ATP2B1: variants seen among roughly 807,000 people sequenced by gnomAD.
ATP2B1 encodes the protein ATPase plasma membrane Ca2+ transporting 1, also known as plasma membrane calcium-transporting ATPase 1.
Under a neutral mutation model 124.2 loss-of-function variants are expected in ATP2B1, and 14 were observed. The observed-to-expected ratio is 0.11, with a 90% CI of 0.07 to 0.18. The LOEUF is 0.18. Among genes scored for constraint, ATP2B1 ranks in the 10% least tolerant of loss-of-function variants. The pLI is 1.00. For missense variants in ATP2B1, 763 were observed against 1,466.1 expected, an observed-to-expected ratio of 0.52 and a Z score of 7.83; for synonymous variants, 449 against 492.4, an observed-to-expected ratio of 0.91 and a Z score of 1.17.
chr12:89,628,327 G>C (rs540024117), intron 6 of ATP2B1, among the ~76,000 whole-genome samples: 1 of 143,714 alleles, frequency 7.0e-6, no homozygotes. Flanking sequence ...GCTTGAACCC[G>C]GAAGGCGGAG....
At chr12:89,672,008 G>T (rs1307911283) in intron 1 of ATP2B1, among the ~76,000 whole-genome samples, 1 of 152,160 alleles carries the variant, frequency 6.6e-6, no homozygotes, top group South Asian at 2.1e-4. Flanking sequence ...AGATACCTCA[G>T]TATCATCATT....
intron 11 of ATP2B1, among the ~76,000 whole-genome samples, chr12:89,618,502 C>T (rs1053676613): frequency 6.6e-5 from 10 of 152,236 alleles, no homozygotes; most frequent in African/African-American, 2.4e-4. Flanking sequence ...CATCTATCTA[C>T]TACCCAGCAA....
At chr12:89,605,485 C>T (rs888099922) in intron 15 of ATP2B1, among the ~76,000 whole-genome samples, 9 of 152,172 alleles carry the variant, frequency 5.9e-5, no homozygotes, top group African/African-American at 2.2e-4. Context: ...TCTTGCCCTT[C>T]TCCCATGACA....
At chr12:89,599,059 C>T (rs986938936) in intron 20 of ATP2B1, 58 bp downstream of exon 20, 2 of 1,563,232 alleles carry the variant, frequency 1.3e-6, no homozygotes, top group Admixed American at 1.8e-5. Flanking sequence ...GAACCTCCTC[C>T]CCAGGTCAAA....
rs1216343703 is a variant in ATP2B1, at chr12:89,588,069, A to G, written c.*2915T>C. On this transcript the variant is annotated 3_prime_UTR_variant, in exon 21 of 21. Transcript: ENST00000428670. ...CCCCATTCAGAAACAGATAAACAGT[A>G]TATTTATTAAATGAGTTAAGACAAA... 3 of 152,688 alleles carry G rather than the reference A, an allele frequency of 2.0e-5. No individual in the cohort carries two copies. Among genetic ancestry groups the G allele is most frequent in the South Asian group, 2.1e-4 (1 of 4,838 alleles). 9.5% of individuals were successfully genotyped at this position (152,688 alleles called of 1,614,324 possible).
intron 1 of ATP2B1, among the ~76,000 whole-genome samples, chr12:89,659,601 T>C (rs1020055838): frequency 6.6e-6 from 1 of 152,180 alleles, no homozygotes; most frequent in Admixed American, 6.5e-5. Flanking sequence ...AAGGTTACTT[T>C]ACAGAGCAAG....
chr12:89,697,397 CTT>C (rs1278681855), intron 1 of ATP2B1, among the ~76,000 whole-genome samples: 1 of 152,086 alleles, frequency 6.6e-6, no homozygotes, highest in African/African-American at 2.4e-5. Flanking sequence ...GAAGGGGACT[CTT>C]GAGTTATCCA....
intron 2 of ATP2B1, among the ~76,000 whole-genome samples, chr12:89,650,762 A>T (rs1885136390): frequency 6.6e-6 from 1 of 152,216 alleles, no homozygotes; most frequent in African/African-American, 2.4e-5. Flanking sequence ...CCTGTATACC[A>T]GAAACCCTAC....
intron 8 of ATP2B1, 131 bp downstream of exon 8, chr12:89,626,323 A>C (rs1056600601): frequency 2.0e-6 from 2 of 1,005,114 alleles, no homozygotes; most frequent in Non-Finnish European, 2.8e-6. Flanking sequence ...TGTAGCTAGA[A>C]CTGAAAATAT....
intron 5 of ATP2B1, among the ~76,000 whole-genome samples, chr12:89,634,227 T>A (rs1301942861): frequency 1.3e-5 from 2 of 152,128 alleles, no homozygotes; most frequent in Non-Finnish European, 2.9e-5. Flanking sequence ...GATGGAGGTG[T>A]GACTGCTAGA....
At chr12:89,619,729 A>G (rs2136074303) in intron 11 of ATP2B1, among the ~76,000 whole-genome samples, 1 of 152,304 alleles carries the variant, frequency 6.6e-6, no homozygotes, top group African/African-American at 2.4e-5. Context: ...CTAAAAATAA[A>G]CATCAAAGTA....
chr12:89,626,658 A>G (rs375937122), intron 7 of ATP2B1, 43 bp from the exon 8 acceptor site: 17 of 1,535,782 alleles, frequency 1.1e-5, no homozygotes, highest in Admixed American at 2.3e-5. Context: ...CTTTAAAGGC[A>G]CATATCACTA....
chr12:89,614,855 C>A (rs1356391900), intron 12 of ATP2B1, among the ~76,000 whole-genome samples: 1 of 152,102 alleles, frequency 6.6e-6, no homozygotes, highest in East Asian at 1.9e-4. Flanking sequence ...TCTCCTATGC[C>A]ACAACTGTGG....
chr12:89,602,295 A>G (rs1316363841), intron 18 of ATP2B1, among the ~76,000 whole-genome samples: 1 of 152,208 alleles, frequency 6.6e-6, no homozygotes, highest in Non-Finnish European at 1.5e-5. Flanking sequence ...TTTTAAAAAA[A>G]GAATCAATTA....
chr12:89,702,919 T>G (rs1593025205), intron 1 of ATP2B1, among the ~76,000 whole-genome samples: 1 of 152,148 alleles, frequency 6.6e-6, no homozygotes, highest in East Asian at 1.9e-4. Flanking sequence ...AGAAAATAGC[T>G]TTTAAAAATA....
Position 89,603,873 on chromosome 12 carries a change from G to A in ATP2B1, c.2687C>T (p.Thr896Ile). The A allele has an allele frequency of 6.2e-7, 1 of 1,614,050 alleles. No homozygotes were observed. Among genetic ancestry groups the A allele is most frequent in the Non-Finnish European group, 8.5e-7 (1 of 1,179,992 alleles). ...QMLWVNLIMD[T>I]LASLALATEP... ...CGTTGCCAGAGCCAGGGAAGCGAGT[G>A]TATCCATTATGAGGTTTACCCACAG... Residue 896 changes from threonine (T) to isoleucine (I), a missense_variant, in exon 17 of 21, where the codon ACA becomes ATA. By Grantham distance (89) the Thr-to-Ile change is moderately conservative (BLOSUM62 -1). Around this residue, in one of 7 missense-constraint regions of ATP2B1, gnomAD observed 51 missense variants for 192.8 expected, o/e 0.26. Transcript: ENST00000428670. The surrounding 1 kb of genome is among the most constrained non-coding windows in gnomAD (Gnocchi z 4.3).
At chr12:89,641,970 A>G in intron 3 of ATP2B1, 188 bp downstream of exon 3, 1 of 603,654 alleles carries the variant, frequency 1.7e-6, no homozygotes, top group Non-Finnish European at 2.9e-6. Flanking sequence ...TGTAAAAGGG[A>G]GGTAACACAA....
intron 1 of ATP2B1, among the ~76,000 whole-genome samples, chr12:89,696,909 C>T (rs772352176): frequency 6.6e-6 from 1 of 152,002 alleles, no homozygotes; most frequent in African/African-American, 2.4e-5. Context: ...AATAATCATA[C>T]ATTCCCTTTA....
chr12:89,593,508 C>G (rs1335806682), intron 20 of ATP2B1: 1 of 151,990 alleles, frequency 6.6e-6, no homozygotes, highest in African/African-American at 2.4e-5. Context: ...TCTTTGTAAT[C>G]AGTCGGTATA....
Sources: allele counts gnomAD v4.1 joint callset (sites outside exome capture counted in the v4.1 genomes callset), GRCh38; gene constraint gnomAD v4.1.1; regional missense constraint gnomAD v4.1.1; non-coding constraint Gnocchi (gnomAD v3.1); transcripts MANE v1.5; gene names NCBI Gene and HGNC (gene_info 2026-07-23, HGNC 2026-07-21).